ABCC4: variants seen among roughly 807,000 people sequenced by gnomAD.
ABCC4 encodes ATP binding cassette subfamily C member 4 (PEL blood group), also known as ATP-binding cassette sub-family C member 4.
In ABCC4, 102 loss-of-function variants were observed where a neutral mutation model predicts 168.5. That is an observed-to-expected ratio of 0.61 (90% CI 0.52 to 0.71). The LOEUF is 0.71. Ranked by LOEUF, ABCC4 falls within the 30% of genes least tolerant of loss-of-function variation. The pLI is 0.00. For missense variants in ABCC4, 1,402 were observed against 1,605.8 expected (o/e 0.87, Z 2.17); for synonymous variants, 617 against 590.7 (o/e 1.04, Z -0.65).
In ABCC4 at chr13:95,083,187, C is replaced by A. The variant is rs201390689; in HGVS notation, c.2639G>T (p.Arg880Leu). Reference sequence around the variant, plus strand: ...ATCTCTTGACGTTTCCAAAAAATATCGCCGAAGAAAAATGAAAATGATTCC... The same window carrying A: ...ATCTCTTGACGTTTCCAAAAAATATAGCCGAAGAAAAATGAAAATGATTCC... ...PLGIIFIFLR[R>L]YFLETSRDVK... Residue 880 changes from arginine to leucine, a missense_variant, in exon 21 of 31, where the codon CGA becomes CTA. Around this residue, in one of 3 missense-constraint regions of ABCC4, gnomAD observed 1,007 missense variants for 1,127.3 expected, o/e 0.89. Coordinates refer to ENST00000645237, the MANE Select transcript of ABCC4 (RefSeq NM_005845.5). 1 of 1,613,848 alleles carries A rather than the reference C, an allele frequency of 6.2e-7. No homozygotes were observed. The highest frequency in any genetic ancestry group is 8.5e-7 in the Non-Finnish European group (1 of 1,179,934).
chr13:95,257,667 AAAAAAAGAAAG>A lies in ABCC4; in HGVS notation c.75-9925_75-9915del, dbSNP rs1418041717. ...AACAGAGTGAGACTTCATCTCAAAA[AAAAAAAGAAAG>A]AAAAAGAAAAAAAAAGAAAATCTGC... On this transcript the variant is annotated intron_variant, in intron 1 of 30. Coordinates refer to ENST00000645237, the MANE Select transcript of ABCC4 (RefSeq NM_005845.5). 3.9e-5 allele frequency among the ~76,000 whole-genome samples: 6 copies of A among 152,200 alleles called. No individual in the cohort carries two copies. The East Asian group carries it at 9.7e-4, about 24-fold the overall frequency.
Position 95,170,542 on chromosome 13 carries a change from A to C in ABCC4, c.1814T>G (p.Ile605Arg), listed in dbSNP as rs765232727. ...CTAGAAACTACTTACATCTTTCAAT[A>C]TCAGAATCTGACTTGCAGCTTTGAG... The part of the protein sequence containing the change: ...QYLKAASQIL[I>R]LKDGKMVQKG... Residue 605 changes from isoleucine (I) to arginine (R), a missense_variant, in exon 14 of 31, where the codon ATA becomes AGA. Transcript: ENST00000645237. 2.5e-6 allele frequency: 4 copies of C among 1,610,116 alleles called. No individual in the cohort carries two copies. The South Asian group carries it at 4.4e-5, about 18-fold the overall frequency.
chr13:95,023,932 C>T (rs61167065), intron 30 of ABCC4, among the ~76,000 whole-genome samples: 17,255 of 152,030 alleles, frequency 0.11, 989 homozygotes, highest in Middle Eastern at 0.15. Context: ...TCAGGCTGGG[C>T]GTGGTGGCTC....
intron 19 of ABCC4, among the ~76,000 whole-genome samples, chr13:95,142,131 T>C (rs545359209): frequency 1.3e-5 from 2 of 152,348 alleles, no homozygotes; most frequent in South Asian, 2.1e-4. Context: ...GATACTTGCA[T>C]GTGCCTGTTT....
At chr13:95,156,595 A>C (rs1042592544) in intron 19 of ABCC4, among the ~76,000 whole-genome samples, 1 of 152,240 alleles carries the variant, frequency 6.6e-6, no homozygotes, top group African/African-American at 2.4e-5. Flanking sequence ...AGGAAGAGGT[A>C]GATGCAGCGA....
intron 20 of ABCC4, among the ~76,000 whole-genome samples, chr13:95,102,434 C>G (rs1031206102): frequency 1.3e-5 from 2 of 152,048 alleles, no homozygotes; most frequent in Non-Finnish European, 2.9e-5. Flanking sequence ...CCATAAGACA[C>G]CATCTCTGGC....
intron 15 of ABCC4, among the ~76,000 whole-genome samples, chr13:95,165,373 G>A (rs937989779): frequency 6.6e-6 from 1 of 152,202 alleles, no homozygotes; most frequent in African/African-American, 2.4e-5. Flanking sequence ...TTTGGCATGT[G>A]AGGGCCTAAT....
chr13:95,294,267 G>A (rs2041471644), intron 1 of ABCC4, among the ~76,000 whole-genome samples: 1 of 152,072 alleles, frequency 6.6e-6, no homozygotes, highest in South Asian at 2.1e-4. Flanking sequence ...GGAGGCTAAG[G>A]CAAGAGAATC....
chr13:95,294,980 A>G (rs894279232), intron 1 of ABCC4, among the ~76,000 whole-genome samples: 1 of 152,036 alleles, frequency 6.6e-6, no homozygotes, highest in African/African-American at 2.4e-5. Flanking sequence ...AAAAACAAAA[A>G]ATAAAATAAA....
intron 26 of ABCC4, among the ~76,000 whole-genome samples, chr13:95,062,315 G>T (rs2033329017): frequency 6.6e-6 from 1 of 152,118 alleles, no homozygotes; most frequent in African/African-American, 2.4e-5. Flanking sequence ...TGAGAAGGTA[G>T]CTTTAGTTCC....
At chr13:95,050,945 T>A (rs962127328) in intron 27 of ABCC4, among the ~76,000 whole-genome samples, 2 of 152,232 alleles carry the variant, frequency 1.3e-5, no homozygotes, top group Non-Finnish European at 2.9e-5. Context: ...AAAAACACTT[T>A]ATGAGTAATT....
intron 19 of ABCC4, among the ~76,000 whole-genome samples, chr13:95,159,864 G>A (rs796154761): frequency 3.3e-5 from 5 of 152,294 alleles, no homozygotes; most frequent in African/African-American, 1.2e-4. Flanking sequence ...GTAAAACAGA[G>A]AGGGTAGGAG....
intron 19 of ABCC4, among the ~76,000 whole-genome samples, chr13:95,126,311 T>TG (rs1208536057): frequency 6.6e-6 from 1 of 152,016 alleles, no homozygotes; most frequent in Non-Finnish European, 1.5e-5. Flanking sequence ...CCCACAGAGA[T>TG]GGTGGCAGCA....
chr13:95,075,549 G>A lies in ABCC4; in HGVS notation c.2689C>T (p.Arg897Trp), dbSNP rs769663620. Residue 897 changes from arginine to tryptophan, a missense_variant and splice_region_variant, in exon 22 of 31, where the codon CGG becomes TGG. Arg to Trp is a moderately radical substitution (Grantham distance 101). Transcript: ENST00000645237. ...RDVKRLESTT[R>W]SPVFSHLSSS... Reference sequence around the variant, plus strand: ...GATAAGTGGGAAAACACTGGACTCCGAGCTGGGGAAACAGACAGAGAAAAC... The same window carrying A: ...GATAAGTGGGAAAACACTGGACTCCAAGCTGGGGAAACAGACAGAGAAAAC... The A allele has an allele frequency of 1.1e-5, 18 of 1,614,020 alleles. No individual in the cohort carries two copies. Among genetic ancestry groups the A allele is most frequent in the Admixed American group, 5.0e-5 (3 of 60,014 alleles).
intron 20 of ABCC4, among the ~76,000 whole-genome samples, chr13:95,109,391 A>AACACACACACACACACACACACAC (rs61165942): frequency 6.7e-6 from 1 of 150,342 alleles, no homozygotes; most frequent in African/African-American, 2.4e-5. Flanking sequence ...CAGGTGTGCA[A>AACACACACACACACACACACACAC]ACACACACAC....
rs964217798 is a variant in ABCC4 at position 95,186,215 on chromosome 13, A to G, written c.1545+486T>C. On this transcript the variant is annotated intron_variant, in intron 11 of 30. Transcript: ENST00000645237. ...AAAGTGTTCTTATCTTCTAGAGATA[A>G]GTAATAAGGTATTACAGATAAAATA... is the stretch of plus-strand genomic sequence containing the variant. Among the ~76,000 whole-genome samples the G allele has an allele frequency of 4.0e-5, 6 of 150,884 alleles. 1 individual carries two copies. Among genetic ancestry groups the G allele is most frequent in the African/African-American group, 7.5e-5 (3 of 40,212 alleles).
chr13:95,162,930 G>C (rs1430475442), intron 18 of ABCC4, among the ~76,000 whole-genome samples, 192 bp downstream of exon 18: 7 of 152,164 alleles, frequency 4.6e-5, no homozygotes, highest in Non-Finnish European at 8.8e-5. Context: ...AGCAAATTAA[G>C]AGTCTTCAGT....
chr13:95,231,483 G>A (rs754372069), intron 4 of ABCC4, among the ~76,000 whole-genome samples: 2 of 152,128 alleles, frequency 1.3e-5, no homozygotes, highest in Admixed American at 6.5e-5. Flanking sequence ...CTGCCAGACC[G>A]GGAATCAGGA....
At chr13:95,262,116 T>C (rs1196479745) in intron 1 of ABCC4, among the ~76,000 whole-genome samples, 2 of 152,126 alleles carry the variant, frequency 1.3e-5, no homozygotes, top group African/African-American at 4.8e-5. Flanking sequence ...GGGGCAGCTC[T>C]CAGCAAGTTC....
Sources: allele counts gnomAD v4.1 joint callset (sites outside exome capture counted in the v4.1 genomes callset), GRCh38; gene constraint gnomAD v4.1.1; regional missense constraint gnomAD v4.1.1; transcripts MANE v1.5; gene names NCBI Gene and HGNC (gene_info 2026-07-23, HGNC 2026-07-21).